Variants in ATF6 observed in about 807,000 individuals in gnomAD.
ATF6 encodes the protein cyclic AMP-dependent transcription factor ATF-6 alpha.
ATF6 carries 53 observed loss-of-function variants against 83.6 expected under a neutral mutation model. The ratio of observed to expected loss-of-function variants is 0.63; its 90% CI spans 0.51 to 0.80. ATF6 has a LOEUF of 0.80. Among genes scored for constraint, ATF6 ranks in the 30% least tolerant of loss-of-function variants. ATF6 has a pLI of 0.00. For synonymous variants in ATF6, 288 were observed against 285.8 expected (o/e 1.01, Z -0.08); for missense variants, 744 against 797.9 (o/e 0.93, Z 0.81).
chr1:161,777,603 G>T (rs528550090), intron 1 of ATF6, among the ~76,000 whole-genome samples: 1 of 152,320 alleles, frequency 6.6e-6, no homozygotes, highest in Non-Finnish European at 1.5e-5. Flanking sequence ...TTGGGCCTTG[G>T]TCAACACCTT....
chr1:161,767,138 A>C (rs896356753), intron 1 of ATF6, among the ~76,000 whole-genome samples: 1 of 152,188 alleles, frequency 6.6e-6, no homozygotes, highest in African/African-American at 2.4e-5. Context: ...GGAGACTTTT[A>C]TTCTCCTCTT....
chr1:161,940,559 CTTT>C (rs71301060), intron 15 of ATF6, among the ~76,000 whole-genome samples: 2 of 118,416 alleles, frequency 1.7e-5, no homozygotes, highest in Admixed American at 1.8e-4. Context: ...TCCTTCAGAT[CTTT>C]TTTTTTTTTT....
intron 15 of ATF6, among the ~76,000 whole-genome samples, chr1:161,952,311 G>A (rs1303679214): frequency 6.6e-6 from 1 of 152,078 alleles, no homozygotes; most frequent in Non-Finnish European, 1.5e-5. Context: ...TCAGACGTGT[G>A]TGCAACTCTT....
chr1:161,863,974 A>G (rs143902383), intron 14 of ATF6, among the ~76,000 whole-genome samples: 2 of 152,332 alleles, frequency 1.3e-5, no homozygotes, highest in African/African-American at 2.4e-5. Context: ...TAGAATTGCC[A>G]TGTGAATATC....
intron 9 of ATF6, among the ~76,000 whole-genome samples, chr1:161,841,459 G>A (rs1686356979): frequency 6.6e-6 from 1 of 152,038 alleles, no homozygotes; most frequent in Non-Finnish European, 1.5e-5. Flanking sequence ...GGGAATGTAG[G>A]CCAAAAAATA....
chr1:161,912,831 A>G (rs1688018041), intron 15 of ATF6, among the ~76,000 whole-genome samples: 1 of 152,172 alleles, frequency 6.6e-6, no homozygotes, highest in African/African-American at 2.4e-5. Flanking sequence ...TGACACTGAT[A>G]GTATTACTAT....
At chr1:161,907,909 G>A (rs1281100053) in intron 14 of ATF6, among the ~76,000 whole-genome samples, 1 of 152,046 alleles carries the variant, frequency 6.6e-6, no homozygotes, top group East Asian at 1.9e-4. Flanking sequence ...ACTGTATATT[G>A]GAATAAGAAC....
At chr1:161,940,852 G>A (rs556302977) in intron 15 of ATF6, among the ~76,000 whole-genome samples, 66 of 152,166 alleles carry the variant, frequency 4.3e-4, no homozygotes, top group African/African-American at 1.2e-3. Context: ...GTGAGCCACC[G>A]TGCCTGGCCA....
chr1:161,779,239 C>A (rs1459194368), intron 2 of ATF6, among the ~76,000 whole-genome samples: 1 of 152,186 alleles, frequency 6.6e-6, no homozygotes, highest in Non-Finnish European at 1.5e-5. Flanking sequence ...AACTGATACT[C>A]ATATTTCATA....
rs1689014220 is a variant in ATF6 at position 161,958,511 on chromosome 1, A to AGG, written c.1871_1872dup (p.Ile625GlyfsTer64). 4 of 1,613,714 alleles carry AGG rather than the reference A, an allele frequency of 2.5e-6. No individual in the cohort carries two copies. Among genetic ancestry groups the AGG allele is most frequent in the Non-Finnish European group, 3.4e-6 (4 of 1,179,780 alleles). ...GATTGACTGTCAGGTGATGGACACC[A>AGG]GGATCCTCCATATCAAAAGTTCGTC... is the stretch of plus-strand genomic sequence containing the variant. On this transcript the variant is annotated frameshift_variant, in exon 16 of 16. Coordinates refer to ENST00000367942, the MANE Select transcript of ATF6 (RefSeq NM_007348.4). LOFTEE classifies it high-confidence loss of function.
intron 14 of ATF6, among the ~76,000 whole-genome samples, chr1:161,897,878 C>T (rs962473007): frequency 2.6e-5 from 4 of 151,796 alleles, no homozygotes; most frequent in South Asian, 4.2e-4. Context: ...TTTGTGTGCC[C>T]GAAATTTTAA....
rs545688372 is a variant in ATF6 at position 161,856,650 on chromosome 1, C to T, written c.1533+3327C>T. Among the ~76,000 whole-genome samples the T allele has an allele frequency of 1.3e-4, 20 of 152,204 alleles. No individual in the cohort carries two copies. The South Asian group carries it at 3.9e-3, about 30-fold the overall frequency. On this transcript the variant is annotated intron_variant, in intron 12 of 15. Coordinates refer to ENST00000367942, the MANE Select transcript of ATF6 (RefSeq NM_007348.4). Reference sequence around the variant, plus strand: ...ACAGGAGTCAGGAATAGATCATTGCCAGTAGGTAATCCCACACAGCTAGTA... The same window carrying T: ...ACAGGAGTCAGGAATAGATCATTGCTAGTAGGTAATCCCACACAGCTAGTA...
In ATF6 at chr1:161,935,549, T is replaced by C. The variant is rs182658888; in HGVS notation, c.1805-22897T>C. Among the ~76,000 whole-genome samples, 274 of 152,352 alleles carry C rather than the reference T, an allele frequency of 1.8e-3. 2 individuals carry two copies. The highest frequency in any genetic ancestry group is 6.8e-3 in the Middle Eastern group (2 of 294). On this transcript the variant is annotated intron_variant, in intron 15 of 15. Transcript: ENST00000367942. ...TGGTTTTTATAAGCCATCCTGTCTA[T>C]ACAGTTTGTCACAGCAGCCTGAACA... is the stretch of plus-strand genomic sequence containing the variant.
At chr1:161,789,110 G>C (rs544712056) in intron 4 of ATF6, among the ~76,000 whole-genome samples, 1 of 151,978 alleles carries the variant, frequency 6.6e-6, no homozygotes, top group East Asian at 1.9e-4. Context: ...GGAAAATGGG[G>C]TATCCATCCC....
chr1:161,789,039 A>G (rs758086522), intron 4 of ATF6, among the ~76,000 whole-genome samples: 24 of 151,912 alleles, frequency 1.6e-4, no homozygotes, highest in Non-Finnish European at 3.1e-4. Flanking sequence ...GTAGGCATAT[A>G]TATTTGTGGG....
chr1:161,833,628 A>G (rs901675599), intron 9 of ATF6, among the ~76,000 whole-genome samples: 5 of 152,234 alleles, frequency 3.3e-5, no homozygotes, highest in Admixed American at 2.0e-4. Context: ...TCAGTAACCA[A>G]TGCGATCAAC....
At chr1:161,783,917 A>G in intron 3 of ATF6, 73 bp from the exon 4 acceptor site, 4 of 1,077,960 alleles carry the variant, frequency 3.7e-6, no homozygotes, top group Non-Finnish European at 5.5e-6. Context: ...AGTAGATTTT[A>G]CCTTCTTTCT....
intron 1 of ATF6, among the ~76,000 whole-genome samples, chr1:161,768,005 A>T (rs1325021598): frequency 6.6e-6 from 1 of 152,072 alleles, no homozygotes; most frequent in African/African-American, 2.4e-5. Flanking sequence ...ACAGGCATGC[A>T]CCACCACGCC....
At position 161,860,214 on chromosome 1, in the gene ATF6, T is replaced by C; in HGVS notation, c.1541T>C (p.Leu514Pro). 1 of 1,589,248 alleles carries C rather than the reference T, an allele frequency of 6.3e-7. No individual in the cohort carries two copies. The highest frequency in any genetic ancestry group is 1.2e-5 in the South Asian group (1 of 86,880). The change falls in exon 13 of 16, where the codon CTG becomes CCG. Residue 514 changes from leucine (L) to proline (P), a missense_variant. Physicochemically the swap from Leu to Pro is moderately conservative, Grantham distance 98 (BLOSUM62 -3). Transcript: ENST00000367942. ...TTTTTTTTAATATTCCAGGGTGCTC[T>C]GGAACAGGGCTCAAATTCTCAGCTG... ...QQKTRILQGA[L>P]EQGSNSQLMA... is the part of the protein sequence containing the mutation.
Sources: allele counts gnomAD v4.1 joint callset (sites outside exome capture counted in the v4.1 genomes callset), GRCh38; gene constraint gnomAD v4.1.1; transcripts MANE v1.5; gene names NCBI Gene and HGNC (gene_info 2026-07-23, HGNC 2026-07-21).